CSMD1: variants seen among roughly 807,000 people sequenced by gnomAD.
CSMD1 encodes the protein CUB and sushi domain-containing protein 1.
In CSMD1, 213 loss-of-function variants were observed where a neutral mutation model predicts 417.5. The observed-to-expected ratio is 0.51, with a 90% CI of 0.46 to 0.57. CSMD1 has a LOEUF of 0.57. CSMD1 is among the 20% of genes least tolerant of loss of function. CSMD1 has a pLI of 0.00. For missense variants in CSMD1, 6,923 were observed against 4,529.7 expected (o/e 1.53, Z -15.17); for synonymous variants, 2,862 against 1,736.8 (o/e 1.65, Z -16.11).
intron 25 of CSMD1, among the ~76,000 whole-genome samples, chr8:3,306,331 G>T (rs192205806): frequency 1.3e-5 from 2 of 152,280 alleles, no homozygotes; most frequent in Admixed American, 1.3e-4. Context: ...GTGCCACCAT[G>T]CCCAGATGCT....
intron 48 of CSMD1, among the ~76,000 whole-genome samples, chr8:3,090,316 C>CAAAAAAAA (rs35534326): frequency 3.8e-5 from 3 of 79,788 alleles, no homozygotes; most frequent in South Asian, 6.2e-4. Flanking sequence ...GACTGTATTT[C>CAAAAAAAA]AAAAAAAAAA....
At chr8:4,415,192 C>T (rs1717980942) in intron 3 of CSMD1, among the ~76,000 whole-genome samples, 1 of 152,102 alleles carries the variant, frequency 6.6e-6, no homozygotes, top group Non-Finnish European at 1.5e-5. Context: ...CTCCAGAGAA[C>T]CCAGGCTCAG....
intron 52 of CSMD1, among the ~76,000 whole-genome samples, chr8:3,015,477 A>G (rs586900): frequency 0.014 from 2,086 of 152,040 alleles, 45 homozygotes; most frequent in African/African-American, 0.048. Flanking sequence ...GATTATATAG[A>G]CACAGTTTTC....
At chr8:3,487,857 C>T (rs1239313563) in intron 11 of CSMD1, among the ~76,000 whole-genome samples, 1 of 151,936 alleles carries the variant, frequency 6.6e-6, no homozygotes, top group South Asian at 2.1e-4. Flanking sequence ...TGAAACCTCA[C>T]TTAGTAACAT....
Position 4,847,645 on chromosome 8 carries a change from C to T in CSMD1, c.85+146687G>A, listed in dbSNP as rs150191742. Among the ~76,000 whole-genome samples, 1,156 of 152,168 alleles carry T rather than the reference C, an allele frequency of 7.6e-3. 10 individuals carry two copies. The highest frequency in any genetic ancestry group is 0.026 in the African/African-American group (1,063 of 41,512). On this transcript the variant is annotated intron_variant, in intron 1 of 69. Coordinates refer to ENST00000635120, the MANE Select transcript of CSMD1 (RefSeq NM_033225.6). ...GGACCCCACCGAGGACCCTGTATAA[C>T]ATTTAGACATGGTTTCTCCTTAAGC...
intron 23 of CSMD1, 30 bp from the exon 24 acceptor site, chr8:3,308,533 G>C (rs762027503): frequency 8.9e-6 from 14 of 1,566,422 alleles, no homozygotes; most frequent in Admixed American, 1.7e-5. Flanking sequence ...GGAATGAACA[G>C]AACTCAAGGG....
At chr8:4,346,258 G>T (rs909767705) in intron 3 of CSMD1, among the ~76,000 whole-genome samples, 1 of 152,032 alleles carries the variant, frequency 6.6e-6, no homozygotes, top group Non-Finnish European at 1.5e-5. Flanking sequence ...TACATCCAAA[G>T]AATAATAATA....
chr8:3,622,692 G>T (rs1357331537), intron 7 of CSMD1, among the ~76,000 whole-genome samples: 1 of 152,186 alleles, frequency 6.6e-6, no homozygotes, highest in Admixed American at 6.5e-5. Context: ...GCGATTTTCT[G>T]AAACAGAGGG....
chr8:3,651,670 C>G (rs570908715), intron 7 of CSMD1, among the ~76,000 whole-genome samples: 6 of 152,252 alleles, frequency 3.9e-5, no homozygotes, highest in Admixed American at 3.9e-4. Context: ...AGCGTGCTTA[C>G]TATCACTGTA....
chr8:4,188,429 A>C (rs546198724), intron 3 of CSMD1, among the ~76,000 whole-genome samples: 1 of 152,192 alleles, frequency 6.6e-6, no homozygotes, highest in South Asian at 2.1e-4. Context: ...TTCGGCAGAT[A>C]CAAGTCCTGA....
At chr8:3,847,196 C>G (rs1803565998) in intron 5 of CSMD1, among the ~76,000 whole-genome samples, 5 of 152,142 alleles carry the variant, frequency 3.3e-5, no homozygotes, top group South Asian at 2.1e-4. Flanking sequence ...CGCGGTGTCA[C>G]TCTTACCATT....
intron 23 of CSMD1, among the ~76,000 whole-genome samples, chr8:3,314,356 T>C (rs1314459268): frequency 6.6e-6 from 1 of 152,210 alleles, no homozygotes; most frequent in Non-Finnish European, 1.5e-5. Flanking sequence ...TAAGAGACTT[T>C]TGACTGATCA....
In CSMD1 at chr8:4,877,759, T is replaced by C. The variant is rs2116941598; in HGVS notation, c.85+116573A>G. 2.0e-5 allele frequency among the ~76,000 whole-genome samples: 3 copies of C among 152,266 alleles called. No individual in the cohort carries two copies. In the Middle Eastern group the frequency reaches 0.01, roughly 518 times the overall value. On this transcript the variant is annotated intron_variant, in intron 1 of 69. Coordinates refer to ENST00000635120, the MANE Select transcript of CSMD1 (RefSeq NM_033225.6). Reference sequence around the variant, plus strand: ...TGTGTTTGCACTTTCAAAGGATGTATTCATGCCTGTAAAAAGTACAGTCCT... The same window carrying C: ...TGTGTTTGCACTTTCAAAGGATGTACTCATGCCTGTAAAAAGTACAGTCCT...
intron 26 of CSMD1, among the ~76,000 whole-genome samples, chr8:3,274,306 T>C (rs1204211708): frequency 2.0e-5 from 3 of 152,198 alleles, no homozygotes; most frequent in Non-Finnish European, 2.9e-5. Flanking sequence ...TTTGTTACAA[T>C]TTCTGTTCTT....
intron 7 of CSMD1, among the ~76,000 whole-genome samples, chr8:3,670,880 G>C (rs1798980569): frequency 8.6e-6 from 1 of 115,636 alleles, no homozygotes; most frequent in Non-Finnish European, 2.0e-5. Context: ...TATGTATATG[G>C]GATATATATG....
At chr8:3,897,262 T>A (rs1319686154) in intron 5 of CSMD1, among the ~76,000 whole-genome samples, 1 of 152,104 alleles carries the variant, frequency 6.6e-6, no homozygotes, top group Non-Finnish European at 1.5e-5. Context: ...ACGGTCATAG[T>A]GTGACTAGCA....
At chr8:3,599,390 G>A (rs767535655) in intron 8 of CSMD1, among the ~76,000 whole-genome samples, 3 of 151,868 alleles carry the variant, frequency 2.0e-5, no homozygotes, top group South Asian at 2.1e-4. Flanking sequence ...TAACCCCAAC[G>A]CAGCATTATT....
chr8:4,090,163 T>C (rs1933729123), intron 3 of CSMD1, among the ~76,000 whole-genome samples: 1 of 152,228 alleles, frequency 6.6e-6, no homozygotes, highest in Non-Finnish European at 1.5e-5. Context: ...GGCTTGATAC[T>C]GTTTTGAGTG....
chr8:4,604,406 T>C (rs75374588), intron 2 of CSMD1, among the ~76,000 whole-genome samples: 74 of 77,296 alleles, frequency 9.6e-4, no homozygotes, highest in Non-Finnish European at 1.8e-3. Context: ...TGTGTGTGTG[T>C]GTGTGCGCGT....
Sources: allele counts gnomAD v4.1 joint callset (sites outside exome capture counted in the v4.1 genomes callset), GRCh38; gene constraint gnomAD v4.1.1; transcripts MANE v1.5; gene names NCBI Gene and HGNC (gene_info 2026-07-23, HGNC 2026-07-21).